Variants in PRPF18 observed in about 807,000 individuals in gnomAD.
PRPF18 encodes the protein pre-mRNA processing factor 18, also known as pre-mRNA-splicing factor 18.
PRPF18 carries 38 observed loss-of-function variants against 46.5 expected under a neutral mutation model. That is an observed-to-expected ratio of 0.82 (90% confidence interval 0.63 to 1.07). The LOEUF (loss-of-function observed/expected upper bound fraction) is 1.07. Ranked by LOEUF, PRPF18 falls within the 50% of genes least tolerant of loss-of-function variation. PRPF18 has a pLI of 0.00. For missense variants in PRPF18, 263 were observed against 410.0 expected (o/e 0.64, Z 3.10); for synonymous variants, 152 against 146.7 (o/e 1.04, Z -0.26).
At chr10:13,591,733 G>A in intron 1 of PRPF18, 3 of 1,103,148 alleles carry the variant, frequency 2.7e-6, no homozygotes, top group Non-Finnish European at 3.9e-6. Flanking sequence ...TTTGGTTGAG[G>A]TGGCAATGAC....
chr10:13,641,040 A>C, the PRPF18 span: 1 of 152,218 alleles, frequency 6.6e-6, no homozygotes, highest in Non-Finnish European at 1.5e-5. Context: ...ATCTTGTCTT[A>C]CTTGATTTGG....
At chr10:13,619,561 C>T (rs1428564053) in intron 9 of PRPF18, among the ~76,000 whole-genome samples, 2 of 152,206 alleles carry the variant, frequency 1.3e-5, no homozygotes, top group African/African-American at 4.8e-5. Context: ...AGTTTCAACT[C>T]ATGCGCCCAA....
At chr10:13,594,542 T>C (rs570890409) in intron 1 of PRPF18, among the ~76,000 whole-genome samples, 45 of 152,366 alleles carry the variant, frequency 3.0e-4, no homozygotes, top group African/African-American at 1.1e-3. Context: ...ATGGATCTTT[T>C]TACCTAGATG....
Position 13,630,613 on chromosome 10 carries a change from G to A in PRPF18, c.*273G>A, listed in dbSNP as rs1308454603. The A allele has an allele frequency of 4.6e-6, 1 of 219,454 alleles. No individual in the cohort carries two copies. The highest frequency in any genetic ancestry group is 9.1e-5 in the East Asian group (1 of 10,986). 13.6% of individuals were successfully genotyped at this position (219,454 alleles called of 1,614,324 possible). A position where few individuals can be genotyped will look rare whatever the true frequency, so the allele number is the denominator to read the frequency against. ...CAATTTAAATCCATAGACAACAGAA[G>A]GGGGTTTAAAATGACCTTTTTTTCA... On this transcript the variant is annotated 3_prime_UTR_variant, in exon 10 of 10. Transcript: ENST00000378572.
At chr10:13,634,944 A>G (rs1362166703), downstream of PRPF18, among the ~76,000 whole-genome samples, 3 of 152,128 alleles carry the variant, frequency 2.0e-5, no homozygotes, top group Non-Finnish European at 4.4e-5. Context: ...GGTTTGTTGC[A>G]TAGGTGAACA....
rs1390138321 is a variant in PRPF18, at chr10:13,613,840, G to A, written c.679G>A (p.Glu227Lys). ...KLNSATQKQTESYLRPLFRKL... is the reference protein window; with the variant it reads ...KLNSATQKQTKSYLRPLFRKL... Reference sequence around the variant, plus strand: ...GAACAGTGCGACCCAGAAACAGACCGAGTCCTACCTAAGACCACTTTTTAG... The same window carrying A: ...GAACAGTGCGACCCAGAAACAGACCAAGTCCTACCTAAGACCACTTTTTAG... The change falls in exon 7 of 10, where the codon GAG (glutamate) becomes AAG (lysine). Residue 227 changes from glutamate (E) to lysine (K), a missense_variant. Physicochemically the swap from Glu to Lys is moderately conservative, Grantham distance 56. This residue lies in a region of PRPF18 where 155 missense variants were observed against 245.1 expected (regional missense o/e 0.63). Coordinates refer to ENST00000378572, the MANE Select transcript of PRPF18 (RefSeq NM_003675.4). 3 of 1,613,766 alleles carry A rather than the reference G, an allele frequency of 1.9e-6. No individual in the cohort carries two copies. Among genetic ancestry groups the A allele is most frequent in the Admixed American group, 1.7e-5 (1 of 59,910 alleles).
chr10:13,625,909 T>G (rs1271344768), intron 9 of PRPF18, among the ~76,000 whole-genome samples: 1 of 152,256 alleles, frequency 6.6e-6, no homozygotes, highest in Non-Finnish European at 1.5e-5. Flanking sequence ...ACATCTCCCA[T>G]GCACACATTC....
At chr10:13,622,052 T>A (rs1041496894) in intron 9 of PRPF18, among the ~76,000 whole-genome samples, 3 of 152,224 alleles carry the variant, frequency 2.0e-5, no homozygotes, top group Admixed American at 2.0e-4. Context: ...GCACACACAG[T>A]ATCATAGCTG....
rs532728674 is a variant in PRPF18 at position 13,611,616 on chromosome 10, C to T, written c.512C>T (p.Ala171Val). 1.9e-5 allele frequency: 31 copies of T among 1,613,060 alleles called. 1 individual carries two copies. The highest frequency in any genetic ancestry group is 7.7e-5 in the South Asian group (7 of 91,026). ...GAAGCATTGTTTCTTTTTCTTCAGGCGCTTGGAGAGTCCTTAGGGAAAGGC... is the reference window on the plus strand; with the variant it reads ...GAAGCATTGTTTCTTTTTCTTCAGGTGCTTGGAGAGTCCTTAGGGAAAGGC... ...EENTTIEELE[A>V]LGESLGKGDD... The change falls in exon 6 of 10, where the codon GCG (alanine) becomes GTG (valine). Residue 171 changes from alanine (A) to valine (V), a missense_variant and splice_region_variant. Ala to Val is a moderately conservative substitution (Grantham distance 64). Transcript: ENST00000378572.
At chr10:13,587,671 A>T (rs1405956774) in intron 1 of PRPF18, among the ~76,000 whole-genome samples, 1 of 152,184 alleles carries the variant, frequency 6.6e-6, no homozygotes, top group Non-Finnish European at 1.5e-5. Context: ...CTTCATCCAG[A>T]TACGGGGTAG....
chr10:13,612,767 G>A (rs2080289744), intron 6 of PRPF18, among the ~76,000 whole-genome samples: 1 of 151,394 alleles, frequency 6.6e-6, no homozygotes, highest in Admixed American at 6.6e-5. Flanking sequence ...GTACCACCAT[G>A]CCCAGCTAAT....
Position 13,587,110 on chromosome 10 carries a change from C to A in PRPF18, c.24C>A (p.Ile8=). 3.7e-6 allele frequency: 6 copies of A among 1,614,152 alleles called. No individual in the cohort carries two copies. Among genetic ancestry groups the A allele is most frequent in the Non-Finnish European group, 5.1e-6 (6 of 1,179,998 alleles). ...AGATGGACATTCTGAAATCAGAGAT[C>A]CTTCGGAAGCGGCAGCTGGTGGAGG... The part of the protein sequence containing the change: MDILKSE[I]LRKRQLVEDR... The change falls in exon 1 of 10, where the codon ATC becomes ATA. Residue 8 remains isoleucine, a synonymous_variant. Coordinates refer to ENST00000378572, the MANE Select transcript of PRPF18 (RefSeq NM_003675.4).
Position 13,597,549 on chromosome 10 carries a change from C to A in PRPF18, c.144+14C>A. The A allele has an allele frequency of 6.2e-7, 1 of 1,605,270 alleles. No homozygotes were observed. On this transcript the variant is annotated intron_variant, in intron 2 of 9. Coordinates refer to ENST00000378572, the MANE Select transcript of PRPF18 (RefSeq NM_003675.4). ...TGTGGCTACAAGGTATGAATGTCTG[C>A]TTTTATGTTAAATTGTACATTTCTG...
Position 13,586,991 on chromosome 10 carries a change from T to C in PRPF18, c.-96T>C, listed in dbSNP as rs2079881044. The C allele has an allele frequency of 7.9e-7, 1 of 1,269,176 alleles. No homozygotes were observed. Among genetic ancestry groups the C allele is most frequent in the Non-Finnish European group, 1.2e-6 (1 of 866,976 alleles). 78.6% of individuals were successfully genotyped at this position (1,269,176 alleles called of 1,614,324 possible). A position where few individuals can be genotyped will look rare whatever the true frequency, so the allele number is the denominator to read the frequency against. The stretch of plus-strand genomic sequence containing the variant: ...GTTGTTCTCAGGTGTTTGGGCTTGT[T>C]GTTCCGTATACTCAGTGGGTTCGCG... On this transcript the variant is annotated 5_prime_UTR_variant, in exon 1 of 10. Coordinates refer to ENST00000378572, the MANE Select transcript of PRPF18 (RefSeq NM_003675.4).
intron 1 of PRPF18, among the ~76,000 whole-genome samples, chr10:13,595,759 G>A (rs530360042): frequency 5.1e-4 from 78 of 152,140 alleles, no homozygotes; most frequent in Non-Finnish European, 8.8e-4. Flanking sequence ...CCGTAAAACT[G>A]TGCTTGTTGT....
chr10:13,653,272 G>A, the PRPF18 span: 1 of 152,130 alleles, frequency 6.6e-6, no homozygotes, highest in Non-Finnish European at 1.5e-5. Flanking sequence ...CTAGCACTTT[G>A]GGAAGCTGAG....
downstream of PRPF18, among the ~76,000 whole-genome samples, chr10:13,635,842 AT>A (rs1052347836): frequency 6.6e-6 from 1 of 152,030 alleles, no homozygotes; most frequent in Non-Finnish European, 1.5e-5. Flanking sequence ...TTCTTTTTTG[AT>A]TTTTTTTAAT....
At chr10:13,637,403 A>G in the PRPF18 span, among the ~76,000 whole-genome samples, 1 of 152,040 alleles carries the variant, frequency 6.6e-6, no homozygotes, top group African/African-American at 2.4e-5. Context: ...TGTGGCTTTA[A>G]TTTGCATTTC....
At chr10:13,642,676 T>C in the PRPF18 span, 2 of 152,308 alleles carry the variant, frequency 1.3e-5, no homozygotes, top group East Asian at 3.9e-4. Context: ...GATACGCTAA[T>C]TTCCTGAGCT....
Sources: allele counts gnomAD v4.1 joint callset (sites outside exome capture counted in the v4.1 genomes callset), GRCh38; gene constraint gnomAD v4.1.1; regional missense constraint gnomAD v4.1.1; transcripts MANE v1.5; gene names NCBI Gene and HGNC (gene_info 2026-07-23, HGNC 2026-07-21).